The following DLG2 variants were observed in gnomAD, a reference collection of about 807,000 sequenced individuals.
The protein encoded by DLG2 is discs large MAGUK scaffold protein 2, also known as disks large homolog 2.
A neutral mutation model predicts 132.5 loss-of-function variants in DLG2; 45 were observed. That is an observed-to-expected ratio of 0.34 (90% CI 0.27 to 0.44). The LOEUF is 0.44. DLG2 is among the 20% of genes least tolerant of loss of function. DLG2 has a pLI of 1.00. For missense variants in DLG2, 1,045 were observed against 1,196.9 expected, an observed-to-expected ratio of 0.87 and a Z score of 1.87; for synonymous variants, 424 against 419.6, an observed-to-expected ratio of 1.01 and a Z score of -0.13.
At chr11:84,741,056 CTTTTTTTTTTTTTTT>C (rs1163275954) in intron 6 of DLG2, among the ~76,000 whole-genome samples, 4 of 79,330 alleles carry the variant, frequency 5.0e-5, no homozygotes, top group Non-Finnish European at 6.9e-5. Flanking sequence ...TGCCTATGCT[CTTTTTTTTTTTTTTT>C]TTTTTTTTTT....
chr11:85,108,553 T>TA (rs11406259), intron 6 of DLG2, among the ~76,000 whole-genome samples: 101,307 of 151,682 alleles, frequency 0.67, 34,713 homozygotes, highest in East Asian at 0.93. Context: ...TAACCGCCCA[T>TA]TTTTTTTATT....
intron 6 of DLG2, among the ~76,000 whole-genome samples, chr11:84,681,614 T>C (rs1164063175): frequency 6.6e-6 from 1 of 152,180 alleles, no homozygotes; most frequent in Non-Finnish European, 1.5e-5. Context: ...CCATCAGTTT[T>C]ACATGCTTTC....
chr11:83,879,975 G>A (rs559877316), intron 15 of DLG2, among the ~76,000 whole-genome samples: 3 of 152,290 alleles, frequency 2.0e-5, no homozygotes, highest in African/African-American at 7.2e-5. Context: ...GGATGGTGAA[G>A]GAAAACAAGA....
At chr11:85,149,305 C>A (rs77475873) in intron 5 of DLG2, among the ~76,000 whole-genome samples, 4,708 of 152,056 alleles carry the variant, frequency 0.031, 92 homozygotes, top group Admixed American at 0.044. Context: ...AGTATTTTGA[C>A]GGGAATAGCA....
At position 85,012,293 on chromosome 11, in the gene DLG2, A is replaced by G. The variant is rs61909108; in HGVS notation, c.357+99368T>C. On this transcript the variant is annotated intron_variant, in intron 6 of 27. Transcript: ENST00000376104. The stretch of plus-strand genomic sequence containing the variant: ...TGTAATCCCAGCACTTTGGGAAGCT[A>G]AGGCGGGTGGATCACGAGGTCAGGA... Among the ~76,000 whole-genome samples, 19 of 73,466 alleles carry G rather than the reference A, an allele frequency of 2.6e-4. 9 individuals carry two copies. The highest frequency in any genetic ancestry group is 1.9e-3 in the African/African-American group (18 of 9,716). 48.2% of individuals were successfully genotyped at this position (73,466 alleles called of 152,430 possible).
chr11:84,945,430 T>C (rs1242756442), intron 6 of DLG2, among the ~76,000 whole-genome samples: 1 of 152,166 alleles, frequency 6.6e-6, no homozygotes, highest in Admixed American at 6.5e-5. Flanking sequence ...TCTCTCTCTG[T>C]GCTGAGCTGC....
At chr11:83,875,887 T>C (rs74558672) in intron 15 of DLG2, among the ~76,000 whole-genome samples, 2,420 of 152,184 alleles carry the variant, frequency 0.016, 21 homozygotes, top group Non-Finnish European at 0.026. Flanking sequence ...TTGTCTAAGG[T>C]TGAGGGTACA....
In DLG2 at chr11:83,508,403, A is replaced by ATTTTTTTT. The variant is rs746968613; in HGVS notation, c.2194-24183_2194-24176dup. 4.4e-3 allele frequency among the ~76,000 whole-genome samples: 354 copies of ATTTTTTTT among 80,186 alleles called. 55 individuals carry two copies. Among genetic ancestry groups the ATTTTTTTT allele is most frequent in the African/African-American group, 0.015 (241 of 15,884 alleles). 52.6% of individuals were successfully genotyped at this position (80,186 alleles called of 152,430 possible). On this transcript the variant is annotated intron_variant, in intron 21 of 27. Coordinates refer to ENST00000376104, the MANE Select transcript of DLG2 (RefSeq NM_001142699.3). Reference sequence around the variant, plus strand: ...AGGTGCACACCACCACGCCTGGCTAATTTTTTTTTTTTTTTTTTTTTTAGT... The same window carrying ATTTTTTTT: ...AGGTGCACACCACCACGCCTGGCTAATTTTTTTTTTTTTTTTTTTTTTTTTTTTTTAGT...
chr11:84,420,086 G>A (rs1286015022), intron 7 of DLG2, among the ~76,000 whole-genome samples: 1 of 152,080 alleles, frequency 6.6e-6, no homozygotes, highest in African/African-American at 2.4e-5. Flanking sequence ...CAAACACACA[G>A]AATAAACAGA....
chr11:84,459,994 G>T (rs2099076029), intron 7 of DLG2, among the ~76,000 whole-genome samples: 1 of 150,694 alleles, frequency 6.6e-6, no homozygotes, highest in East Asian at 1.9e-4. Flanking sequence ...GACAGAGATT[G>T]TTAGCTTGGA....
At chr11:84,753,197 A>G (rs2066406332) in intron 6 of DLG2, among the ~76,000 whole-genome samples, 1 of 152,198 alleles carries the variant, frequency 6.6e-6, no homozygotes, top group African/African-American at 2.4e-5. Flanking sequence ...GAAAACAGAG[A>G]AGAGAGACAG....
chr11:83,598,463 T>A (rs1594187115), intron 19 of DLG2, among the ~76,000 whole-genome samples: 1 of 152,110 alleles, frequency 6.6e-6, no homozygotes, highest in Admixed American at 6.6e-5. Context: ...GTAGAAAGAG[T>A]CTGGATTTTT....
At chr11:83,488,751 A>G (rs943781597) in intron 21 of DLG2, among the ~76,000 whole-genome samples, 1 of 152,128 alleles carries the variant, frequency 6.6e-6, no homozygotes, top group Non-Finnish European at 1.5e-5. Context: ...TGTTTTATAC[A>G]TGCTATTTTC....
intron 7 of DLG2, among the ~76,000 whole-genome samples, chr11:84,305,964 C>T (rs892022236): frequency 6.6e-6 from 1 of 152,024 alleles, no homozygotes; most frequent in African/African-American, 2.4e-5. Flanking sequence ...ATTTTAAAAA[C>T]AACTTTATTA....
chr11:84,197,718 A>G (rs1190992657), intron 8 of DLG2, among the ~76,000 whole-genome samples: 1 of 152,198 alleles, frequency 6.6e-6, no homozygotes, highest in Non-Finnish European at 1.5e-5. Context: ...TTACTGACTA[A>G]AAAAAATTCT....
At chr11:84,500,004 G>T (rs754644635) in intron 7 of DLG2, among the ~76,000 whole-genome samples, 2 of 151,902 alleles carry the variant, frequency 1.3e-5, no homozygotes, top group Non-Finnish European at 2.9e-5. Context: ...GTCAAGAATT[G>T]TATTATTTTT....
rs398016953 is a variant in DLG2, at chr11:84,827,676, C to CAAAAAAAAAAAAA, written c.357+283972_357+283984dup. 7.7e-4 allele frequency among the ~76,000 whole-genome samples: 27 copies of CAAAAAAAAAAAAA among 35,100 alleles called. 1 individual carries two copies. The highest frequency in any genetic ancestry group is 1.8e-3 in the South Asian group (1 of 546). 23.0% of individuals were successfully genotyped at this position (35,100 alleles called of 152,430 possible). ...AAGGCTGGAACTGAGTACATACAGT[C>CAAAAAAAAAAAAA]AAAAAAAAAAAAAAAAAAAAAAGCC... On this transcript the variant is annotated intron_variant, in intron 6 of 27. Transcript: ENST00000376104.
chr11:83,879,121 A>T (rs890587577), intron 15 of DLG2, among the ~76,000 whole-genome samples: 1 of 152,190 alleles, frequency 6.6e-6, no homozygotes, highest in African/African-American at 2.4e-5. Flanking sequence ...TCTGAATTGA[A>T]ATTGTTCTAT....
chr11:84,389,731 T>C lies in DLG2; in HGVS notation c.520-138440A>G, dbSNP rs562044325. 3.2e-4 allele frequency among the ~76,000 whole-genome samples: 48 copies of C among 152,290 alleles called. 3 individuals are homozygous for C. The South Asian group carries it at 9.3e-3, about 30-fold the overall frequency. ...ATATTAATATTTGTCTCTTTTGAACTGGTAAGCATCTAGCCTTTGTCAACA... is the reference window on the plus strand; with the variant it reads ...ATATTAATATTTGTCTCTTTTGAACCGGTAAGCATCTAGCCTTTGTCAACA... On this transcript the variant is annotated intron_variant, in intron 7 of 27. Coordinates refer to ENST00000376104, the MANE Select transcript of DLG2 (RefSeq NM_001142699.3).
Sources: allele counts gnomAD v4.1 joint callset (sites outside exome capture counted in the v4.1 genomes callset), GRCh38; gene constraint gnomAD v4.1.1; transcripts MANE v1.5; gene names NCBI Gene and HGNC (gene_info 2026-07-23, HGNC 2026-07-21).